Variants in RAB1A observed in about 807,000 individuals in gnomAD.
RAB1A encodes the protein RAB1A, member RAS oncogene family, also known as ras-related protein Rab-1A.
A neutral mutation model predicts 26.0 loss-of-function variants in RAB1A; 2 were observed. The ratio of observed to expected loss-of-function variants is 0.08; its 90% CI spans 0.03 to 0.24. The LOEUF (loss-of-function observed/expected upper bound fraction) is 0.24, where lower values mean the gene tolerates loss of function less well. Among genes scored for constraint, RAB1A ranks in the 10% least tolerant of loss-of-function variants. RAB1A has a pLI of 1.00. For synonymous variants in RAB1A, 84 were observed against 84.9 expected (o/e 0.99, Z 0.06); for missense variants, 100 against 247.0 (o/e 0.40, Z 3.99).
intron 3 of RAB1A, among the ~76,000 whole-genome samples, chr2:65,094,667 C>A (rs1196145547): frequency 6.6e-6 from 1 of 150,448 alleles, no homozygotes; most frequent in Middle Eastern, 3.2e-3. Context: ...GCTACTGAAA[C>A]AACAAATGGT....
intron 1 of RAB1A, 84 bp from the exon 2 acceptor site, chr2:65,104,890 A>G (rs768502356): frequency 9.0e-7 from 1 of 1,112,764 alleles, no homozygotes; most frequent in South Asian, 1.2e-5. Flanking sequence ...ACAGCTACAA[A>G]TAACAACTCA....
chr2:65,111,105 T>TA (rs1669683693), intron 1 of RAB1A, among the ~76,000 whole-genome samples: 1 of 152,192 alleles, frequency 6.6e-6, no homozygotes, highest in African/African-American at 2.4e-5. Context: ...CTCACACCTG[T>TA]AATCCTAGCG....
Position 65,095,736 on chromosome 2 carries a change from G to A in RAB1A, c.192+2235C>T, listed in dbSNP as rs193112610. Among the ~76,000 whole-genome samples the A allele has an allele frequency of 4.6e-5, 7 of 152,156 alleles. No homozygotes were observed. The East Asian group carries it at 1.4e-3, about 30-fold the overall frequency. ...TTCTTAAAAATGTTCAAAAACCCAG[G>A]CGTGGTGGCTCACGCCTGTAATCCC... is the stretch of plus-strand genomic sequence containing the variant. On this transcript the variant is annotated intron_variant, in intron 3 of 5. Coordinates refer to ENST00000409784, the MANE Select transcript of RAB1A (RefSeq NM_004161.5).
chr2:65,119,483 G>C (rs1271124984), intron 1 of RAB1A, among the ~76,000 whole-genome samples: 1 of 150,934 alleles, frequency 6.6e-6, no homozygotes, highest in Non-Finnish European at 1.5e-5. Context: ...CTCCAGCCTG[G>C]GTGGGAGGCA....
intron 1 of RAB1A, among the ~76,000 whole-genome samples, chr2:65,128,367 T>C (rs932478554): frequency 1.2e-4 from 19 of 152,304 alleles, no homozygotes; most frequent in Admixed American, 5.9e-4. Flanking sequence ...AGTAAATCCA[T>C]GTTCTTTATT....
chr2:65,102,427 A>C (rs1669451984), intron 2 of RAB1A, among the ~76,000 whole-genome samples: 1 of 152,102 alleles, frequency 6.6e-6, no homozygotes, highest in Non-Finnish European at 1.5e-5. Context: ...TCATCAGAAA[A>C]GTCATATGTA....
chr2:65,099,561 C>A (rs1270012360), intron 2 of RAB1A, among the ~76,000 whole-genome samples: 1 of 152,134 alleles, frequency 6.6e-6, no homozygotes, highest in Non-Finnish European at 1.5e-5. Context: ...GCTGTGCTAG[C>A]CAATATGGTA....
At position 65,129,081 on chromosome 2, in the gene RAB1A, C is replaced by G. The variant is rs562324555; in HGVS notation, c.23+812G>C. On this transcript the variant is annotated intron_variant, in intron 1 of 5. Coordinates refer to ENST00000409784, the MANE Select transcript of RAB1A (RefSeq NM_004161.5). ...TCTATCATAGGTCCCGTTCGTTTCT[C>G]TTTCAACTTGACAGCAAGCTTCCTT... 3.3e-5 allele frequency among the ~76,000 whole-genome samples: 5 copies of G among 152,060 alleles called. No individual in the cohort carries two copies. The East Asian group carries it at 9.7e-4, about 29-fold the overall frequency.
chr2:65,109,198 A>G (rs1467342194), intron 1 of RAB1A, among the ~76,000 whole-genome samples: 3 of 152,236 alleles, frequency 2.0e-5, no homozygotes, highest in Non-Finnish European at 4.4e-5. Flanking sequence ...AACACCACAC[A>G]GTAAAAATGT....
intron 1 of RAB1A, among the ~76,000 whole-genome samples, chr2:65,109,059 G>C (rs957216027): frequency 3.3e-5 from 5 of 152,140 alleles, no homozygotes; most frequent in Admixed American, 1.3e-4. Flanking sequence ...TCAGTGACAC[G>C]TTAACTTGCA....
At chr2:65,105,831 C>T (rs995661702) in intron 1 of RAB1A, among the ~76,000 whole-genome samples, 5 of 151,896 alleles carry the variant, frequency 3.3e-5, no homozygotes, top group Admixed American at 1.3e-4. Flanking sequence ...GGCGCGATCT[C>T]GGCTCACTGC....
At chr2:65,116,016 C>G (rs962766005) in intron 1 of RAB1A, among the ~76,000 whole-genome samples, 1 of 151,874 alleles carries the variant, frequency 6.6e-6, no homozygotes, top group African/African-American at 2.4e-5. Flanking sequence ...ATTAGTTGGG[C>G]GTGGTGGTGG....
chr2:65,121,765 G>T lies in RAB1A; in HGVS notation c.23+8128C>A, dbSNP rs1008270021. 5.9e-5 allele frequency among the ~76,000 whole-genome samples: 9 copies of T among 152,076 alleles called. No individual in the cohort carries two copies. In the South Asian group the frequency reaches 1.2e-3, roughly 21 times the overall value. On this transcript the variant is annotated intron_variant, in intron 1 of 5. Coordinates refer to ENST00000409784, the MANE Select transcript of RAB1A (RefSeq NM_004161.5). ...AGGGAAACAAAGGAATAGTCTAATT[G>T]CTCCCCTCTCCCTCTAAAGCGGGGG...
rs35048150 is a variant in RAB1A, at chr2:65,125,423, CTTTTTTT to C, written c.23+4463_23+4469del. Among the ~76,000 whole-genome samples the C allele has an allele frequency of 1.2e-4, 15 of 127,270 alleles. No homozygotes were observed. The East Asian group carries it at 3.0e-3, about 25-fold the overall frequency. 83.5% of individuals were successfully genotyped at this position (127,270 alleles called of 152,430 possible). On this transcript the variant is annotated intron_variant, in intron 1 of 5. Transcript: ENST00000409784. ...CGAGAATAATGTTAAGTATTTCTTT[CTTTTTTT>C]TTTTTTTTTTTTGAGGAGTCTCACT...
In RAB1A at chr2:65,088,673, A is replaced by G. The variant is rs1347603976; in HGVS notation, c.438T>C (p.Leu146=). The G allele has an allele frequency of 1.2e-6, 2 of 1,607,446 alleles. No individual in the cohort carries two copies. The highest frequency in any genetic ancestry group is 1.7e-6 in the Non-Finnish European group (2 of 1,176,802). Residue 146 remains leucine, a synonymous_variant, in exon 6 of 6, where the codon CTT becomes CTC. Coordinates refer to ENST00000409784, the MANE Select transcript of RAB1A (RefSeq NM_004161.5). ...YTTAKEFADS[L]GIPFLETSAK... ...CACTGGTTTCCAAAAACGGAATTCC[A>G]AGGGAATCAGCAAATTCCTAAGAGA...
chr2:65,101,930 G>A (rs1452145386), intron 2 of RAB1A, among the ~76,000 whole-genome samples: 1 of 151,690 alleles, frequency 6.6e-6, no homozygotes, highest in African/African-American at 2.4e-5. Flanking sequence ...TGTATTTTTA[G>A]TAGAGACAGG....
intron 1 of RAB1A, among the ~76,000 whole-genome samples, chr2:65,114,821 C>T (rs71424159): frequency 0.017 from 2,481 of 149,756 alleles, 25 homozygotes; most frequent in Middle Eastern, 0.027. Context: ...GTCCGCAGTC[C>T]GGCCTGGGCA....
chr2:65,126,765 CTT>C (rs1394902155), intron 1 of RAB1A, among the ~76,000 whole-genome samples: 3 of 152,172 alleles, frequency 2.0e-5, no homozygotes, highest in Non-Finnish European at 4.4e-5. Context: ...GAAAGCAAGA[CTT>C]TGGAGTTTGG....
Position 65,123,929 on chromosome 2 carries a change from A to G in RAB1A, c.23+5964T>C, listed in dbSNP as rs1034444907. On this transcript the variant is annotated intron_variant, in intron 1 of 5. Transcript: ENST00000409784. ...AAAAAAAACTAAACTAAAATATTTGATGGTTAAAAACTGTCTAACATCCCT... is the reference window on the plus strand; with the variant it reads ...AAAAAAAACTAAACTAAAATATTTGGTGGTTAAAAACTGTCTAACATCCCT... Among the ~76,000 whole-genome samples the G allele has an allele frequency of 2.6e-5, 4 of 151,850 alleles. 1 individual carries two copies. The highest frequency in any genetic ancestry group is 5.9e-5 in the Non-Finnish European group (4 of 67,960).
Sources: gnomAD v4.1 joint callset for allele counts (sites outside exome capture counted in the v4.1 genomes callset) on GRCh38, gnomAD v4.1.1 for gene constraint, MANE v1.5 for transcripts, NCBI Gene and HGNC (gene_info 2026-07-23, HGNC 2026-07-21) for gene names.